The following DCK variants were observed in gnomAD, a reference collection of about 807,000 sequenced individuals.
DCK encodes deoxyadenosine kinase.
Under a neutral mutation model 38.3 loss-of-function variants are expected in DCK, and 23 were observed. The ratio of observed to expected loss-of-function variants is 0.60; its 90% CI spans 0.43 to 0.85. The LOEUF (loss-of-function observed/expected upper bound fraction) is 0.85, where lower values mean the gene tolerates loss of function less well. Ranked by LOEUF, DCK falls within the 40% of genes least tolerant of loss-of-function variation. The probability of loss-of-function intolerance (pLI) is 0.00; values close to 1 mark genes in which losing one functional copy is unlikely to be tolerated. For synonymous variants in DCK, 108 were observed against 100.6 expected (o/e 1.07, Z -0.44); for missense variants, 259 against 304.4 (o/e 0.85, Z 1.11).
At chr4:71,019,591 A>G (rs1283077114) in intron 2 of DCK, among the ~76,000 whole-genome samples, 1 of 152,154 alleles carries the variant, frequency 6.6e-6, no homozygotes, top group African/African-American at 2.4e-5. Flanking sequence ...TCTGGAAAAG[A>G]CAGACTCACA....
At chr4:71,023,425 CTT>C (rs1472848635) in intron 3 of DCK, 132 bp from the exon 4 acceptor site, 2 of 600,642 alleles carry the variant, frequency 3.3e-6, no homozygotes, top group South Asian at 2.7e-5. Flanking sequence ...TGGAAAGACT[CTT>C]GTCTTTTTCT....
chr4:71,011,165 A>G (rs765641513), intron 2 of DCK, among the ~76,000 whole-genome samples: 13 of 149,812 alleles, frequency 8.7e-5, no homozygotes, highest in Non-Finnish European at 1.5e-4. Flanking sequence ...CTGGTCTTGA[A>G]CTCCTGACCT....
chr4:71,008,017 A>G (rs776398998), intron 2 of DCK, among the ~76,000 whole-genome samples: 1 of 152,182 alleles, frequency 6.6e-6, no homozygotes, highest in African/African-American at 2.4e-5. Context: ...TTGAGCCACT[A>G]TGTGGGGCCT....
In DCK at chr4:71,030,680, G is replaced by A. The variant is rs1459095165; in HGVS notation, c.*1302G>A. 6.6e-6 allele frequency: 1 copy of A among 151,972 alleles called. No individual in the cohort carries two copies. Among genetic ancestry groups the A allele is most frequent in the African/African-American group, 2.4e-5 (1 of 41,406 alleles). The allele number at this position is 151,972 out of a possible 1,614,324, so 9.4% of individuals were successfully genotyped here. A position where few individuals can be genotyped will look rare whatever the true frequency, so the allele number is the denominator to read the frequency against. ...ACAGTGGAGCTACACTCATTGAAAT[G>A]TAATTTCAGTTCTAAAAAGATGTAA... is the stretch of plus-strand genomic sequence containing the variant. On this transcript the variant is annotated 3_prime_UTR_variant, in exon 7 of 7. Coordinates refer to ENST00000286648, the MANE Select transcript of DCK (RefSeq NM_000788.3).
At chr4:71,007,472 T>C (rs1739974267) in intron 2 of DCK, among the ~76,000 whole-genome samples, 1 of 152,220 alleles carries the variant, frequency 6.6e-6, no homozygotes, top group Non-Finnish European at 1.5e-5. Context: ...ACTACTCCGC[T>C]AGGGGTAATT....
chr4:71,005,391 A>T (rs1490467625), intron 2 of DCK, among the ~76,000 whole-genome samples: 1 of 151,960 alleles, frequency 6.6e-6, no homozygotes, highest in African/African-American at 2.4e-5. Flanking sequence ...GGAGCTGCAG[A>T]CCAGAGCTGT....
chr4:71,027,560 G>C (rs1740573455), intron 6 of DCK, among the ~76,000 whole-genome samples: 1 of 152,088 alleles, frequency 6.6e-6, no homozygotes, highest in Non-Finnish European at 1.5e-5. Flanking sequence ...ATTTGGTTTA[G>C]TTTTGAGAAA....
chr4:71,008,364 G>T (rs759702086), intron 2 of DCK, among the ~76,000 whole-genome samples: 1 of 152,000 alleles, frequency 6.6e-6, no homozygotes, highest in African/African-American at 2.4e-5. Context: ...GTATTTCCCC[G>T]CTGGCTAATG....
At chr4:71,019,541 T>C (rs939832119) in intron 2 of DCK, among the ~76,000 whole-genome samples, 9 of 152,168 alleles carry the variant, frequency 5.9e-5, no homozygotes, top group Non-Finnish European at 1.2e-4. Context: ...TCTCCTACTA[T>C]ACTTTGAAGA....
At chr4:71,016,413 C>T (rs1452281515) in intron 2 of DCK, among the ~76,000 whole-genome samples, 1 of 152,122 alleles carries the variant, frequency 6.6e-6, no homozygotes, top group Admixed American at 6.5e-5. Context: ...TGACTTTCTT[C>T]ACAGAATTGG....
In DCK at chr4:71,029,354, C is replaced by T; in HGVS notation, c.759C>T (p.Val253=). The T allele has an allele frequency of 6.3e-7, 1 of 1,598,982 alleles. No individual in the cohort carries two copies. Among genetic ancestry groups the T allele is most frequent in the Non-Finnish European group, 8.5e-7 (1 of 1,171,766 alleles). Residue 253 remains valine, a splice_region_variant and synonymous_variant, in exon 7 of 7, where the codon GTC becomes GTT. Coordinates refer to ENST00000286648, the MANE Select transcript of DCK (RefSeq NM_000788.3). ...KDKYESLVEK[V]KEFLSTL ...TTTTTTTTTCTTCCTTTCCTCAGGT[C>T]AAAGAGTTTTTGAGTACTTTGTGAT... is the stretch of plus-strand genomic sequence containing the variant.
At chr4:71,015,376 C>A (rs1444190918) in intron 2 of DCK, among the ~76,000 whole-genome samples, 1 of 152,208 alleles carries the variant, frequency 6.6e-6, no homozygotes, top group Non-Finnish European at 1.5e-5. Flanking sequence ...TGGTACCATT[C>A]CTTCTGAAAC....
At chr4:71,018,219 C>T (rs1740322714) in intron 2 of DCK, among the ~76,000 whole-genome samples, 1 of 151,566 alleles carries the variant, frequency 6.6e-6, no homozygotes. Context: ...CTCCGCCTCC[C>T]AGGTTCACAT....
At chr4:71,013,114 A>G (rs989988356) in intron 2 of DCK, among the ~76,000 whole-genome samples, 1 of 152,262 alleles carries the variant, frequency 6.6e-6, no homozygotes, top group Non-Finnish European at 1.5e-5. Flanking sequence ...TGACGAATGC[A>G]CAAGCTTCAG....
chr4:71,015,651 T>C (rs2148916929), intron 2 of DCK, among the ~76,000 whole-genome samples: 1 of 152,278 alleles, frequency 6.6e-6, no homozygotes, highest in African/African-American at 2.4e-5. Context: ...ATAAACATAA[T>C]CCAGCATATA....
At chr4:71,009,339 C>T (rs945069454) in intron 2 of DCK, among the ~76,000 whole-genome samples, 59 of 152,218 alleles carry the variant, frequency 3.9e-4, no homozygotes, top group African/African-American at 1.3e-3. Context: ...ACATTGCTTT[C>T]GTATATAAGA....
At chr4:71,014,306 A>G (rs563944616) in intron 2 of DCK, among the ~76,000 whole-genome samples, 13 of 152,320 alleles carry the variant, frequency 8.5e-5, no homozygotes, top group African/African-American at 3.1e-4. Flanking sequence ...TTAGACTCCC[A>G]CACAATAATA....
chr4:70,995,351 C>G (rs1206142869), intron 1 of DCK, among the ~76,000 whole-genome samples: 1 of 152,156 alleles, frequency 6.6e-6, no homozygotes, highest in Non-Finnish European at 1.5e-5. Flanking sequence ...TTTGGGGAGG[C>G]TTAGGCAAGA....
chr4:71,012,544 G>T (rs901448977), intron 2 of DCK, among the ~76,000 whole-genome samples: 1 of 152,166 alleles, frequency 6.6e-6, no homozygotes, highest in African/African-American at 2.4e-5. Context: ...ACCTCATACG[G>T]CTGGGTACCC....
Sources: gnomAD v4.1 joint callset for allele counts (sites outside exome capture counted in the v4.1 genomes callset) on GRCh38, gnomAD v4.1.1 for gene constraint, MANE v1.5 for transcripts, NCBI Gene and HGNC (gene_info 2026-07-23, HGNC 2026-07-21) for gene names.